The following LYRM4 variants were observed in gnomAD, a reference collection of about 807,000 sequenced individuals.
LYRM4 encodes LYR motif containing 4.
LYRM4 carries 9 observed loss-of-function variants against 11.7 expected under a neutral mutation model. The observed-to-expected ratio is 0.77, with a 90% CI of 0.46 to 1.34. LYRM4 has a LOEUF of 1.34. Among genes scored for constraint, LYRM4 ranks in the 40% most tolerant of loss-of-function variants. LYRM4 has a pLI of 0.00. For missense variants in LYRM4, 133 were observed against 112.5 expected (o/e 1.18, Z -0.82); for synonymous variants, 42 against 40.4 (o/e 1.04, Z -0.15).
downstream of LYRM4, among the ~76,000 whole-genome samples, chr6:5,101,788 C>T (rs1292676750): frequency 1.3e-5 from 2 of 151,876 alleles, no homozygotes; most frequent in Admixed American, 6.6e-5. Flanking sequence ...CTCAAAACTA[C>T]CACCACACCA....
chr6:5,094,747 T>C, the LYRM4 span, among the ~76,000 whole-genome samples: 1 of 152,224 alleles, frequency 6.6e-6, no homozygotes, highest in South Asian at 2.1e-4. Context: ...ATGGTGGTGT[T>C]TCTGTATGTA....
At chr6:5,245,114 ATATATATATAT>A (rs1164861336) in intron 1 of LYRM4, among the ~76,000 whole-genome samples, 20 of 12,032 alleles carry the variant, frequency 1.7e-3, no homozygotes, top group East Asian at 3.5e-3. Flanking sequence ...AAAAAAAAAA[ATATATATATAT>A]ATATATATAT....
intron 1 of LYRM4, among the ~76,000 whole-genome samples, chr6:5,223,977 T>G (rs952203116): frequency 1.3e-5 from 2 of 152,174 alleles, no homozygotes; most frequent in Non-Finnish European, 1.5e-5. Context: ...TTCCTGCTCA[T>G]CTCTCCCACT....
the LYRM4 span, among the ~76,000 whole-genome samples, chr6:5,040,316 A>ATAGATAGATAG: frequency 1.6e-5 from 2 of 124,984 alleles, no homozygotes; most frequent in Non-Finnish European, 3.4e-5. Flanking sequence ...TATCTCTAAC[A>ATAGATAGATAG]ATAGATAGAT....
At chr6:5,105,399 G>C (rs546516919), downstream of LYRM4, 2 of 152,454 alleles carry the variant, frequency 1.3e-5, no homozygotes, top group Non-Finnish European at 2.9e-5. Flanking sequence ...TTGCCTCTTG[G>C]TGAAGTCACC....
chr6:5,075,304 A>T, the LYRM4 span, among the ~76,000 whole-genome samples: 2 of 152,376 alleles, frequency 1.3e-5, no homozygotes, highest in African/African-American at 4.8e-5. Flanking sequence ...AACAGGTAGA[A>T]GTATGACTTC....
intron 2 of LYRM4, among the ~76,000 whole-genome samples, chr6:5,184,478 G>A (rs1160130748): frequency 6.6e-6 from 1 of 152,174 alleles, no homozygotes; most frequent in Non-Finnish European, 1.5e-5. Context: ...ATTTTGCTTT[G>A]TGGAGATGCC....
chr6:5,162,484 C>T (rs1419724268), intron 2 of LYRM4, among the ~76,000 whole-genome samples: 1 of 131,336 alleles, frequency 7.6e-6, no homozygotes, highest in Non-Finnish European at 1.7e-5. Context: ...AGAGATGGAG[C>T]GACAGAGAGC....
intron 2 of LYRM4, among the ~76,000 whole-genome samples, chr6:5,184,519 C>T (rs907543270): frequency 6.6e-6 from 1 of 152,092 alleles, no homozygotes; most frequent in Non-Finnish European, 1.5e-5. Flanking sequence ...AAAAGTCTTG[C>T]TTATATTTTA....
At chr6:5,074,821 T>G in the LYRM4 span, among the ~76,000 whole-genome samples, 3,831 of 151,998 alleles carry the variant, frequency 0.025, 159 homozygotes, top group African/African-American at 0.088. Flanking sequence ...GGTGATACTG[T>G]TTTTCTGTGG....
intron 2 of LYRM4, among the ~76,000 whole-genome samples, chr6:5,202,039 A>C (rs957836581): frequency 6.6e-6 from 1 of 152,210 alleles, no homozygotes; most frequent in African/African-American, 2.4e-5. Flanking sequence ...GGCACCTGGT[A>C]TATAAAACAT....
chr6:5,091,058 G>T, the LYRM4 span, among the ~76,000 whole-genome samples: 42 of 152,278 alleles, frequency 2.8e-4, no homozygotes, highest in African/African-American at 9.9e-4. Flanking sequence ...TAGGACCCAG[G>T]TTTGTAGATT....
the LYRM4 span, among the ~76,000 whole-genome samples, chr6:5,048,398 T>C: frequency 6.6e-6 from 1 of 151,016 alleles, no homozygotes; most frequent in African/African-American, 2.4e-5. Flanking sequence ...CACTGAAACC[T>C]CCAATTCCTG....
the LYRM4 span, among the ~76,000 whole-genome samples, chr6:5,082,386 T>G: frequency 6.6e-6 from 1 of 152,126 alleles, no homozygotes; most frequent in East Asian, 1.9e-4. Flanking sequence ...GAATTCATGA[T>G]CTTGCCCTCC....
intron 2 of LYRM4, among the ~76,000 whole-genome samples, chr6:5,201,985 GGCCC>G (rs1189726453): frequency 6.6e-6 from 1 of 152,002 alleles, no homozygotes; most frequent in African/African-American, 2.4e-5. Flanking sequence ...AAAATAAGGA[GGCCC>G]TGCAGGGTCA....
At position 5,202,161 on chromosome 6, in the gene LYRM4, T is replaced by G. The variant is rs377639837; in HGVS notation, c.207+14457A>C. Among the ~76,000 whole-genome samples the G allele has an allele frequency of 2.0e-4, 31 of 152,386 alleles. No homozygotes were observed. In the East Asian group the frequency reaches 3.1e-3, roughly 15 times the overall value. On this transcript the variant is annotated intron_variant, in intron 2 of 2. Transcript: ENST00000330636. Reference sequence around the variant, plus strand: ...TACACTTTGCAATTCTAAATTTTTATAATGAATTTGTGTAAACAAAGTGCC... The same window carrying G: ...TACACTTTGCAATTCTAAATTTTTAGAATGAATTTGTGTAAACAAAGTGCC...
chr6:5,064,118 C>T, the LYRM4 span, among the ~76,000 whole-genome samples: 48 of 152,176 alleles, frequency 3.2e-4, no homozygotes, highest in Non-Finnish European at 5.7e-4. Context: ...TAACAATACA[C>T]GCTTGAAAGG....
At chr6:5,233,000 A>G (rs72813612) in intron 1 of LYRM4, among the ~76,000 whole-genome samples, 879 of 152,338 alleles carry the variant, frequency 5.8e-3, no homozygotes, top group Non-Finnish European at 8.3e-3. Context: ...AAAGGCCACA[A>G]TAGTGTGATA....
At chr6:5,234,076 A>G (rs1463587754) in intron 1 of LYRM4, among the ~76,000 whole-genome samples, 1 of 152,264 alleles carries the variant, frequency 6.6e-6, no homozygotes, top group African/African-American at 2.4e-5. Flanking sequence ...ATTTCAAGTC[A>G]TATTTCTGAA....
Sources: allele counts gnomAD v4.1 joint callset (sites outside exome capture counted in the v4.1 genomes callset), GRCh38; gene constraint gnomAD v4.1.1; transcripts MANE v1.5; gene names NCBI Gene and HGNC (gene_info 2026-07-23, HGNC 2026-07-21).